SPARCL1: variants seen among roughly 807,000 people sequenced by gnomAD.
The protein encoded by SPARCL1 is SPARC like 1.
A neutral mutation model predicts 67.1 loss-of-function variants in SPARCL1; 52 were observed. The observed-to-expected ratio is 0.78, with a 90% confidence interval of 0.62 to 0.98. The LOEUF (loss-of-function observed/expected upper bound fraction) is 0.98, where lower values mean the gene tolerates loss of function less well. SPARCL1 is among the 50% of genes least tolerant of loss of function. The pLI is 0.00. For missense variants in SPARCL1, 717 were observed against 782.4 expected (o/e 0.92, Z 1.00); for synonymous variants, 226 against 267.8 (o/e 0.84, Z 1.52).
At chr4:87,489,646 C>T (rs1195891648) in intron 7 of SPARCL1, among the ~76,000 whole-genome samples, 2 of 152,232 alleles carry the variant, frequency 1.3e-5, no homozygotes, top group Non-Finnish European at 1.5e-5. Context: ...TTGAATGCTT[C>T]TGCCCAGAAC....
intron 7 of SPARCL1, among the ~76,000 whole-genome samples, chr4:87,488,448 C>G (rs187740148): frequency 4.7e-4 from 72 of 152,316 alleles, no homozygotes; most frequent in African/African-American, 1.4e-3. Context: ...ACATTGCTGC[C>G]TGTTCCTTCC....
rs573800082 is a variant in SPARCL1 at position 87,480,861 on chromosome 4, G to C, written c.1669-341C>G. On this transcript the variant is annotated intron_variant, in intron 8 of 10. Coordinates refer to ENST00000282470, the MANE Select transcript of SPARCL1 (RefSeq NM_004684.6). ...TTAAACTATGAGGTTTTAATGAAAA[G>C]GGCTGAATTGACTAAGGTGATTAGT... Among the ~76,000 whole-genome samples the C allele has an allele frequency of 3.4e-5, 5 of 147,192 alleles. No homozygotes were observed. In the South Asian group the frequency reaches 1.1e-3, roughly 31 times the overall value.
At chr4:87,515,437 G>T (rs1329494266) in intron 1 of SPARCL1, among the ~76,000 whole-genome samples, 1 of 152,160 alleles carries the variant, frequency 6.6e-6, no homozygotes, top group Non-Finnish European at 1.5e-5. Flanking sequence ...GCAGAAAATG[G>T]CTTAATAACC....
intron 7 of SPARCL1, among the ~76,000 whole-genome samples, chr4:87,487,743 G>C (rs945586562): frequency 1.3e-5 from 2 of 152,114 alleles, no homozygotes; most frequent in Non-Finnish European, 2.9e-5. Context: ...TCAGATGTAG[G>C]TTTGGTCTTT....
In SPARCL1 at chr4:87,494,262, T is replaced by A; in HGVS notation, c.538A>T (p.Lys180Ter). ...TGATCCCTTAGGCCTTGGCTATGTT[T>A]ACTGCTCCTGTTCAACTGATGATGT... Reference protein sequence around the residue: ...YSHHQLNRSSKHSQGLRDQGN... With the variant: ...YSHHQLNRSS The change falls in exon 4 of 11, where the codon AAA becomes TAA. Residue 180 changes from lysine (K) to a stop codon, truncating the protein, a stop_gained. Transcript: ENST00000282470. LOFTEE classifies it high-confidence loss of function. 1 of 1,614,146 alleles carries A rather than the reference T, an allele frequency of 6.2e-7. No homozygotes were observed. Among genetic ancestry groups the A allele is most frequent in the Non-Finnish European group, 8.5e-7 (1 of 1,180,018 alleles).
chr4:87,505,798 TTCC>T (rs1347357672), intron 1 of SPARCL1, among the ~76,000 whole-genome samples: 2 of 151,132 alleles, frequency 1.3e-5, no homozygotes, highest in Non-Finnish European at 1.5e-5. Context: ...GCTTCAAGCA[TTCC>T]TCCTACCTCA....
intron 1 of SPARCL1, among the ~76,000 whole-genome samples, chr4:87,505,697 G>C (rs1442738493): frequency 6.6e-6 from 1 of 151,294 alleles, no homozygotes; most frequent in Non-Finnish European, 1.5e-5. Flanking sequence ...TGGGGATATA[G>C]GTGCAAACTA....
At chr4:87,524,784 C>G (rs757411479) in intron 1 of SPARCL1, among the ~76,000 whole-genome samples, 1 of 152,136 alleles carries the variant, frequency 6.6e-6, no homozygotes, top group Non-Finnish European at 1.5e-5. Context: ...TAGACTGGAA[C>G]CTTGCTGTTT....
At chr4:87,507,474 A>G (rs1468199293) in intron 1 of SPARCL1, among the ~76,000 whole-genome samples, 2 of 152,108 alleles carry the variant, frequency 1.3e-5, no homozygotes, top group African/African-American at 4.8e-5. Context: ...AAATTCATTC[A>G]TTGAGTACTT....
intron 1 of SPARCL1, among the ~76,000 whole-genome samples, chr4:87,509,812 TGC>T (rs1428883996): frequency 6.6e-6 from 1 of 152,242 alleles, no homozygotes; most frequent in Non-Finnish European, 1.5e-5. Flanking sequence ...TCTGTGTGTG[TGC>T]ACACATGTGT....
Position 87,506,824 on chromosome 4 carries a change from T to TCTATCTAC in SPARCL1, c.-11-7240_-11-7239insGTAGATAG, listed in dbSNP as rs1553970579. Among the ~76,000 whole-genome samples the TCTATCTAC allele has an allele frequency of 5.3e-4, 60 of 113,266 alleles. 1 individual carries two copies. Among genetic ancestry groups the TCTATCTAC allele is most frequent in the Non-Finnish European group, 4.3e-4 (21 of 48,742 alleles). 74.3% of individuals were successfully genotyped at this position (113,266 alleles called of 152,430 possible). A position where few individuals can be genotyped will look rare whatever the true frequency, so the allele number is the denominator to read the frequency against. On this transcript the variant is annotated intron_variant, in intron 1 of 10. Coordinates refer to ENST00000282470, the MANE Select transcript of SPARCL1 (RefSeq NM_004684.6). Reference sequence around the variant, plus strand: ...ATCTATCTATCTATCTATCTATCTATCTACCTACCTACCTACCTACCTATC... The same window carrying TCTATCTAC: ...ATCTATCTATCTATCTATCTATCTATCTATCTACCTACCTACCTACCTACCTACCTATC...
chr4:87,494,713 GT>G, intron 3 of SPARCL1, 115 bp from the exon 4 acceptor site: 1 of 955,000 alleles, frequency 1.0e-6, no homozygotes, highest in Non-Finnish European at 1.5e-6. Flanking sequence ...ATGTAAACAT[GT>G]TTATAATATT....
rs200481656 is a variant in SPARCL1, at chr4:87,480,529, A to T, written c.1669-9T>A. On this transcript the variant is annotated splice_polypyrimidine_tract_variant and intron_variant, in intron 8 of 10. Transcript: ENST00000282470. ...AGGTAAATTTTCTTGACCTGGGATTAGGAAGGCAGAAGACTGTCAGAGAAT... is the reference window on the plus strand; with the variant it reads ...AGGTAAATTTTCTTGACCTGGGATTTGGAAGGCAGAAGACTGTCAGAGAAT... 1 of 1,603,608 alleles carries T rather than the reference A, an allele frequency of 6.2e-7. No individual in the cohort carries two copies. Among genetic ancestry groups the T allele is most frequent in the East Asian group, 2.2e-5 (1 of 44,730 alleles).
At chr4:87,524,498 A>G (rs1725956249) in intron 1 of SPARCL1, among the ~76,000 whole-genome samples, 1 of 152,228 alleles carries the variant, frequency 6.6e-6, no homozygotes, top group Admixed American at 6.5e-5. Flanking sequence ...CAGGCTTCTA[A>G]AAAAGTATAA....
In SPARCL1 at chr4:87,487,113, G is replaced by A. The variant is rs1196379919; in HGVS notation, c.1531+3160C>T. The stretch of plus-strand genomic sequence containing the variant: ...TTACATTTAAAATTAATATTGTTAT[G>A]TGTGAATTTGATCCTGTCATTATGA... On this transcript the variant is annotated intron_variant, in intron 7 of 10. Transcript: ENST00000282470. Among the ~76,000 whole-genome samples, 7 of 151,654 alleles carry A rather than the reference G, an allele frequency of 4.6e-5. No homozygotes were observed. In the East Asian group the frequency reaches 1.4e-3, roughly 29 times the overall value.
chr4:87,511,016 CT>C (rs952548795), intron 1 of SPARCL1, among the ~76,000 whole-genome samples: 2 of 152,194 alleles, frequency 1.3e-5, no homozygotes, highest in Non-Finnish European at 2.9e-5. Flanking sequence ...TGCGCACTCC[CT>C]CCTGCAAGGG....
At chr4:87,499,709 G>T in intron 1 of SPARCL1, 124 bp from the exon 2 acceptor site, 4 of 741,390 alleles carry the variant, frequency 5.4e-6, no homozygotes, top group Non-Finnish European at 9.3e-6. Context: ...TTCTATCTTT[G>T]TGGATTAATA....
intron 7 of SPARCL1, among the ~76,000 whole-genome samples, chr4:87,484,519 T>A (rs1391008006): frequency 6.6e-6 from 1 of 152,242 alleles, no homozygotes; most frequent in African/African-American, 2.4e-5. Flanking sequence ...GTTAGCGTGA[T>A]GCCTCCAGCT....
chr4:87,493,764 C>CATA lies in SPARCL1; in HGVS notation c.1035_1036insTAT (p.Gly345_Asp346insTyr). On this transcript the variant is annotated inframe_insertion, in exon 4 of 11. Coordinates refer to ENST00000282470, the MANE Select transcript of SPARCL1 (RefSeq NM_004684.6). ...CTGGGGCCATCAGTGCCGCCATCATCGCCATCATCATCGCCATCATCATCA... is the reference window on the plus strand; with the variant it reads ...CTGGGGCCATCAGTGCCGCCATCATCATAGCCATCATCATCGCCATCATCATCA... 1 of 1,614,024 alleles carries CATA rather than the reference C, an allele frequency of 6.2e-7. No individual in the cohort carries two copies. The highest frequency in any genetic ancestry group is 8.5e-7 in the Non-Finnish European group (1 of 1,179,940).
Sources: allele counts gnomAD v4.1 joint callset (sites outside exome capture counted in the v4.1 genomes callset), GRCh38; gene constraint gnomAD v4.1.1; transcripts MANE v1.5; gene names NCBI Gene and HGNC (gene_info 2026-07-23, HGNC 2026-07-21).